Variants in MSRA observed in about 807,000 individuals in gnomAD.
MSRA encodes the protein mitochondrial peptide methionine sulfoxide reductase.
A neutral mutation model predicts 31.3 loss-of-function variants in MSRA; 54 were observed. The ratio of observed to expected loss-of-function variants is 1.73; its 90% CI spans 1.39 to 2.17. The LOEUF is 2.17. MSRA is among the 30% of genes most tolerant of loss of function. MSRA has a pLI of 0.00. For missense variants in MSRA, 507 were observed against 300.9 expected (o/e 1.69, Z -5.07); for synonymous variants, 169 against 116.5 (o/e 1.45, Z -2.90).
At chr8:10,128,181 C>T (rs758031429) in intron 1 of MSRA, among the ~76,000 whole-genome samples, 5 of 152,028 alleles carry the variant, frequency 3.3e-5, no homozygotes, top group Non-Finnish European at 5.9e-5. Flanking sequence ...AGTTCGAGAC[C>T]AGCCTGGCCA....
chr8:10,253,194 A>G (rs1454258641), intron 3 of MSRA, among the ~76,000 whole-genome samples: 2 of 152,218 alleles, frequency 1.3e-5, no homozygotes, highest in African/African-American at 4.8e-5. Context: ...CCTTCAGGCC[A>G]TTGGCTAAAG....
At chr8:10,093,541 AGTTCT>A (rs1798963028) in intron 1 of MSRA, among the ~76,000 whole-genome samples, 1 of 152,190 alleles carries the variant, frequency 6.6e-6, no homozygotes, top group Admixed American at 6.5e-5. Flanking sequence ...TTATAACAAC[AGTTCT>A]ATGCTTTTGT....
intron 5 of MSRA, among the ~76,000 whole-genome samples, chr8:10,349,702 C>G (rs1804006666): frequency 6.6e-6 from 1 of 152,214 alleles, no homozygotes; most frequent in Non-Finnish European, 1.5e-5. Flanking sequence ...GATTGGAAAG[C>G]AAGAAATATT....
chr8:10,337,776 G>A (rs1464603001), intron 5 of MSRA: 1 of 702,600 alleles, frequency 1.4e-6, no homozygotes, highest in Non-Finnish European at 2.6e-6. Context: ...CAACTCGCCT[G>A]GGTGCAGCCA....
intron 5 of MSRA, among the ~76,000 whole-genome samples, chr8:10,352,717 G>C (rs1022028344): frequency 6.6e-6 from 1 of 152,138 alleles, no homozygotes; most frequent in African/African-American, 2.4e-5. Flanking sequence ...TGATGAGTTT[G>C]TGTTCATTAA....
At chr8:10,357,614 C>T (rs1463237183) in intron 5 of MSRA, among the ~76,000 whole-genome samples, 12 of 152,306 alleles carry the variant, frequency 7.9e-5, no homozygotes, top group Admixed American at 5.2e-4. Context: ...TATAGGCTCA[C>T]GTTGTCTATT....
chr8:10,404,300 A>C lies in MSRA; in HGVS notation c.544-23848A>C, dbSNP rs543198967. ...ACCTCCAGAGAAGCGTCCCCCTGGAATCTTTCTTTTCCTGACAACACTAGA... is the reference window on the plus strand; with the variant it reads ...ACCTCCAGAGAAGCGTCCCCCTGGACTCTTTCTTTTCCTGACAACACTAGA... On this transcript the variant is annotated intron_variant, in intron 5 of 5. Transcript: ENST00000317173. Among the ~76,000 whole-genome samples the C allele has an allele frequency of 1.2e-4, 19 of 152,156 alleles. No individual in the cohort carries two copies. In the East Asian group the frequency reaches 3.7e-3, roughly 30 times the overall value.
At chr8:10,146,702 G>A (rs1335532954) in intron 1 of MSRA, among the ~76,000 whole-genome samples, 1 of 152,044 alleles carries the variant, frequency 6.6e-6, no homozygotes, top group Non-Finnish European at 1.5e-5. Flanking sequence ...CTCAGTGAAG[G>A]TGTTATTTTA....
At chr8:10,106,087 G>C (rs954012334) in intron 1 of MSRA, among the ~76,000 whole-genome samples, 1 of 152,216 alleles carries the variant, frequency 6.6e-6, no homozygotes, top group South Asian at 2.1e-4. Flanking sequence ...GCACCACTGC[G>C]TGTCTGCTGA....
chr8:10,316,526 C>T (rs1563342328), intron 4 of MSRA, among the ~76,000 whole-genome samples: 1 of 101,330 alleles, frequency 9.9e-6, no homozygotes. Context: ...CTTTGATGAT[C>T]CCTCTCTCTC....
chr8:10,255,968 T>G (rs551115405), intron 3 of MSRA, among the ~76,000 whole-genome samples: 2 of 152,270 alleles, frequency 1.3e-5, no homozygotes, highest in South Asian at 4.2e-4. Context: ...GTGCATTTGT[T>G]ACACCCCAGG....
chr8:10,335,510 C>T (rs757917951), intron 5 of MSRA, among the ~76,000 whole-genome samples: 1 of 152,172 alleles, frequency 6.6e-6, no homozygotes, highest in African/African-American at 2.4e-5. Flanking sequence ...GAATTACCAT[C>T]TGGCCTCAGA....
At chr8:10,282,754 A>T (rs1273962970) in intron 3 of MSRA, among the ~76,000 whole-genome samples, 1 of 152,176 alleles carries the variant, frequency 6.6e-6, no homozygotes, top group East Asian at 1.9e-4. Flanking sequence ...TAATCTTGAA[A>T]ATATACCTTC....
At chr8:10,125,855 A>G (rs920142546) in intron 1 of MSRA, among the ~76,000 whole-genome samples, 2 of 152,160 alleles carry the variant, frequency 1.3e-5, no homozygotes, top group African/African-American at 2.4e-5. Flanking sequence ...TACTCACAAC[A>G]ATGCGTCATC....
At chr8:10,283,822 TATATATATATATATAC>T (rs1181427893) in intron 3 of MSRA, among the ~76,000 whole-genome samples, 53 of 72,262 alleles carry the variant, frequency 7.3e-4, no homozygotes, top group East Asian at 1.6e-3. Context: ...TATATATATA[TATATATATATATATAC>T]ACACACACAC....
At position 10,357,677 on chromosome 8, in the gene MSRA, A is replaced by G. The variant is rs1028890838; in HGVS notation, c.543+37688A>G. ...TTCTCCAAGAAATCTGCTTTCTTTT[A>G]ATCAGAAAAAAGTATTTCAAGACCA... On this transcript the variant is annotated intron_variant, in intron 5 of 5. Transcript: ENST00000317173. Among the ~76,000 whole-genome samples the G allele has an allele frequency of 4.6e-5, 7 of 152,156 alleles. No homozygotes were observed. The East Asian group carries it at 1.3e-3, about 29-fold the overall frequency.
chr8:10,184,564 G>GT (rs992613602), intron 1 of MSRA, among the ~76,000 whole-genome samples: 3 of 151,972 alleles, frequency 2.0e-5, no homozygotes, highest in Admixed American at 6.6e-5. Context: ...TCCCTGATCG[G>GT]TTTTTTTAGA....
intron 5 of MSRA, among the ~76,000 whole-genome samples, chr8:10,419,644 C>G (rs995336065): frequency 2.0e-5 from 3 of 152,194 alleles, no homozygotes; most frequent in Non-Finnish European, 4.4e-5. Flanking sequence ...AACGCAAATG[C>G]TGCTTTCCTG....
chr8:10,065,235 A>G (rs751653402), intron 1 of MSRA, among the ~76,000 whole-genome samples: 1 of 152,092 alleles, frequency 6.6e-6, no homozygotes, highest in Non-Finnish European at 1.5e-5. Context: ...GGTCCTGATA[A>G]CAGAGGGCAC....
Sources: allele counts gnomAD v4.1 joint callset (sites outside exome capture counted in the v4.1 genomes callset), GRCh38; gene constraint gnomAD v4.1.1; transcripts MANE v1.5; gene names NCBI Gene and HGNC (gene_info 2026-07-23, HGNC 2026-07-21).